Variants in SVIL observed in about 807,000 individuals in gnomAD.
The protein encoded by SVIL is supervillin.
A neutral mutation model predicts 240.4 loss-of-function variants in SVIL; 101 were observed. That is an observed-to-expected ratio of 0.42 (90% confidence interval 0.36 to 0.50). SVIL has a LOEUF of 0.50. Ranked by LOEUF, SVIL falls within the 20% of genes least tolerant of loss-of-function variation. The pLI is 0.01. For missense variants in SVIL, 2,512 were observed against 2,818.7 expected (o/e 0.89, Z 2.46); for synonymous variants, 999 against 1,100.0 (o/e 0.91, Z 1.82).
chr10:29,487,362 T>C (rs1350850312), intron 23 of SVIL, 63 bp from the exon 24 acceptor site: 52 of 1,580,770 alleles, frequency 3.3e-5, no homozygotes, highest in Middle Eastern at 1.9e-4. Context: ...GCACCCCATA[T>C]CGGAAGCATC....
At chr10:29,521,114 T>C (rs1279919295) in intron 16 of SVIL, among the ~76,000 whole-genome samples, 1 of 151,216 alleles carries the variant, frequency 6.6e-6, no homozygotes, top group Non-Finnish European at 1.5e-5. Flanking sequence ...TCCCAGCCAC[T>C]TGGGAGGCTG....
In SVIL at chr10:29,471,237, C is replaced by A; in HGVS notation, c.5536G>T (p.Val1846Phe). ...CAGGGGGGCTCCTTTCCCTGGAGAA[C>A]CTGGACCTTCCGATTTAAACAGAGG... ...LDEERGAQVQVLQGKEPPCFL... is the reference protein window; with the variant it reads ...LDEERGAQVQFLQGKEPPCFL... Residue 1846 changes from valine (V) to phenylalanine (F), a missense_variant, in exon 31 of 38, where the codon GTT becomes TTT. Val to Phe is a conservative substitution (Grantham distance 50, BLOSUM62 -1). This residue lies in a region of SVIL where 797 missense variants were observed against 925.3 expected (regional missense o/e 0.86). Coordinates refer to ENST00000355867, the MANE Select transcript of SVIL (RefSeq NM_021738.3). 1.2e-6 allele frequency: 2 copies of A among 1,609,594 alleles called. No homozygotes were observed. Among genetic ancestry groups the A allele is most frequent in the Non-Finnish European group, 1.7e-6 (2 of 1,176,576 alleles).
intron 32 of SVIL, among the ~76,000 whole-genome samples, chr10:29,469,985 A>G (rs1004382387): frequency 6.6e-6 from 1 of 152,234 alleles, no homozygotes; most frequent in Admixed American, 6.5e-5. Flanking sequence ...CTGAACGGCA[A>G]CTATGAAGAA....
chr10:29,621,876 GCATA>G (rs141520035), intron 1 of SVIL, among the ~76,000 whole-genome samples: 1,877 of 152,152 alleles, frequency 0.012, 48 homozygotes, highest in African/African-American at 0.043. Flanking sequence ...ACACAAATAT[GCATA>G]CATACAGAAA....
rs1301341701 is a variant in SVIL, at chr10:29,463,555, C to T, written c.6214G>A (p.Ala2072Thr). ...WPIENKITGS[A>T]RIRWASDRKS... ...CGGTCGGAGGCCCAGCGGATGCGGG[C>T]GGAACCAGTGATCTTGTTCTCGATG... Residue 2072 changes from alanine (A) to threonine (T), a missense_variant, in exon 35 of 38, where the codon GCC becomes ACC. By Grantham distance (58) the Ala-to-Thr change is moderately conservative. Around this residue, in one of 3 missense-constraint regions of SVIL, gnomAD observed 797 missense variants for 925.3 expected, o/e 0.86. Coordinates refer to ENST00000355867, the MANE Select transcript of SVIL (RefSeq NM_021738.3). 2 of 1,614,110 alleles carry T rather than the reference C, an allele frequency of 1.2e-6. No homozygotes were observed. The highest frequency in any genetic ancestry group is 1.7e-6 in the Non-Finnish European group (2 of 1,180,024).
intron 22 of SVIL, 57 bp downstream of exon 22, chr10:29,490,790 A>C (rs1947884138): frequency 6.3e-7 from 1 of 1,599,262 alleles, no homozygotes; most frequent in African/African-American, 1.3e-5. Context: ...CAATGAGTAG[A>C]GCATCGGAAG....
chr10:29,570,197 T>C (rs895584272), intron 1 of SVIL, among the ~76,000 whole-genome samples: 2 of 152,154 alleles, frequency 1.3e-5, no homozygotes, highest in Non-Finnish European at 2.9e-5. Flanking sequence ...ACTAAAGAAA[T>C]ACAATAAAAT....
intron 21 of SVIL, among the ~76,000 whole-genome samples, chr10:29,491,799 T>A (rs1016252928): frequency 3.3e-5 from 5 of 152,194 alleles, no homozygotes; most frequent in African/African-American, 9.7e-5. Context: ...GTTTAAATTA[T>A]GATATACAAC....
At chr10:29,659,272 G>A (rs573085299) in intron 2 of SVIL, among the ~76,000 whole-genome samples, 5 of 152,278 alleles carry the variant, frequency 3.3e-5, no homozygotes, top group South Asian at 4.1e-4. Context: ...AAAGCCCCTC[G>A]TTTATCAGCT....
At chr10:29,667,033 A>G (rs1959358586) in intron 2 of SVIL, among the ~76,000 whole-genome samples, 1 of 152,126 alleles carries the variant, frequency 6.6e-6, no homozygotes. Context: ...GCTGGTTGGA[A>G]TGCAAAAAAG....
chr10:29,463,715 G>C lies in SVIL; in HGVS notation c.6134-80C>G, dbSNP rs527858561. On this transcript the variant is annotated intron_variant, in intron 34 of 37. Transcript: ENST00000355867. ...AGCTCACTCCTCCCCCAACCTAGTGGATGTTGTCCCTCTTGACTGCAGTGT... is the reference window on the plus strand; with the variant it reads ...AGCTCACTCCTCCCCCAACCTAGTGCATGTTGTCCCTCTTGACTGCAGTGT... The C allele has an allele frequency of 7.2e-5, 111 of 1,547,574 alleles. 1 individual carries two copies. In the East Asian group the frequency reaches 2.5e-3, roughly 35 times the overall value.
intron 1 of SVIL, among the ~76,000 whole-genome samples, chr10:29,714,770 G>A (rs1371174573): frequency 2.0e-5 from 3 of 151,676 alleles, no homozygotes; most frequent in Non-Finnish European, 4.4e-5. Context: ...GACCAGCCTT[G>A]GGAACATGGT....
chr10:29,516,012 G>A (rs1950176857), intron 16 of SVIL, among the ~76,000 whole-genome samples: 1 of 152,160 alleles, frequency 6.6e-6, no homozygotes, highest in African/African-American at 2.4e-5. Flanking sequence ...ATTGACTGAG[G>A]TCACACTGGA....
chr10:29,597,040 T>C (rs1196473605), intron 1 of SVIL, among the ~76,000 whole-genome samples: 1 of 152,198 alleles, frequency 6.6e-6, no homozygotes, highest in Non-Finnish European at 1.5e-5. Context: ...CCAGCAACTA[T>C]CGCATTGCCT....
Position 29,522,594 on chromosome 10 carries a change from C to T in SVIL, c.3205G>A (p.Ala1069Thr). 6.2e-7 allele frequency: 1 copy of T among 1,614,224 alleles called. No homozygotes were observed. The highest frequency in any genetic ancestry group is 1.3e-5 in the African/African-American group (1 of 75,052). The change falls in exon 16 of 38, where the codon GCT becomes ACT. Residue 1069 changes from alanine (A) to threonine (T), a missense_variant. Coordinates refer to ENST00000355867, the MANE Select transcript of SVIL (RefSeq NM_021738.3). The part of the protein sequence containing the change: ...GEPTSEQTGT[A>T]AGKTIAQTTA... ...GTTTGAGCAATAGTTTTCCCAGCAG[C>T]TGTCCCCGTCTGCTCGGAAGTGGGC...
At chr10:29,512,711 T>TAA in intron 17 of SVIL, 24 bp downstream of exon 17, 1 of 1,614,090 alleles carries the variant, frequency 6.2e-7, no homozygotes, top group Non-Finnish European at 8.5e-7. Context: ...GTCGGAAGGC[T>TAA]TTTCCTAACA....
intron 3 of SVIL, among the ~76,000 whole-genome samples, chr10:29,644,519 C>G (rs895689795): frequency 2.6e-5 from 4 of 152,126 alleles, no homozygotes. Context: ...CTCGGCCAAC[C>G]CACAGAAGCC....
intron 1 of SVIL, among the ~76,000 whole-genome samples, chr10:29,690,779 C>G (rs4747673): frequency 1.2e-4 from 18 of 152,042 alleles, no homozygotes; most frequent in African/African-American, 4.3e-4. Flanking sequence ...CCCATGAGAA[C>G]ACCTGCATAT....
Position 29,458,177 on chromosome 10 carries a change from T to C in SVIL, c.*70A>G. On this transcript the variant is annotated 3_prime_UTR_variant, in exon 38 of 38. Coordinates refer to ENST00000355867, the MANE Select transcript of SVIL (RefSeq NM_021738.3). ...TTTGTGAAAAACACCAGTCCAAAAA[T>C]ATATATCCATTTCCCTGGTGCAGTG... 1 of 1,455,414 alleles carries C rather than the reference T, an allele frequency of 6.9e-7. No individual in the cohort carries two copies. The highest frequency in any genetic ancestry group is 9.4e-7 in the Non-Finnish European group (1 of 1,061,126). 90.2% of individuals were successfully genotyped at this position (1,455,414 alleles called of 1,614,324 possible).
Sources: gnomAD v4.1 joint callset for allele counts (sites outside exome capture counted in the v4.1 genomes callset) on GRCh38, gnomAD v4.1.1 for gene constraint, gnomAD v4.1.1 regional missense constraint, MANE v1.5 for transcripts, NCBI Gene and HGNC (gene_info 2026-07-23, HGNC 2026-07-21) for gene names.